The following RNGTT variants were observed in gnomAD, a reference collection of about 807,000 sequenced individuals.
RNGTT encodes the protein mRNA-capping enzyme.
A neutral mutation model predicts 79.3 loss-of-function variants in RNGTT; 33 were observed. The ratio of observed to expected loss-of-function variants is 0.42; its 90% CI spans 0.32 to 0.56. RNGTT has a LOEUF of 0.56. Ranked by LOEUF, RNGTT falls within the 20% of genes least tolerant of loss-of-function variation. RNGTT has a pLI of 0.17. For synonymous variants in RNGTT, 222 were observed against 235.9 expected (o/e 0.94, Z 0.54); for missense variants, 497 against 739.1 (o/e 0.67, Z 3.80).
chr6:88,853,548 A>G, intron 9 of RNGTT, 81 bp downstream of exon 9: 1 of 1,015,474 alleles, frequency 9.8e-7, no homozygotes, highest in South Asian at 1.6e-5. Context: ...AAATTTCTTA[A>G]CCAACAGAAA....
intron 14 of RNGTT, among the ~76,000 whole-genome samples, chr6:88,635,790 A>C (rs1414342631): frequency 6.6e-6 from 1 of 151,966 alleles, no homozygotes; most frequent in African/African-American, 2.4e-5. Flanking sequence ...CTGTGGTATA[A>C]GGAAGGCTGT....
intron 11 of RNGTT, among the ~76,000 whole-genome samples, chr6:88,813,155 T>C (rs780127692): frequency 3.2e-4 from 48 of 152,164 alleles, no homozygotes; most frequent in African/African-American, 9.9e-4. Flanking sequence ...CCTCCACTTA[T>C]GAGATTTAAA....
At chr6:88,761,609 T>C (rs1457225895) in intron 13 of RNGTT, among the ~76,000 whole-genome samples, 2 of 152,166 alleles carry the variant, frequency 1.3e-5, no homozygotes, top group African/African-American at 2.4e-5. Context: ...AAATCCACAG[T>C]TGGCAAACTA....
chr6:88,916,345 T>C (rs934430598), intron 4 of RNGTT, among the ~76,000 whole-genome samples: 1 of 152,094 alleles, frequency 6.6e-6, no homozygotes, highest in Non-Finnish European at 1.5e-5. Flanking sequence ...TGGTGGTGTG[T>C]GCCTGTAGTC....
chr6:88,838,073 G>GA (rs1206729795), intron 11 of RNGTT, among the ~76,000 whole-genome samples: 1 of 152,090 alleles, frequency 6.6e-6, no homozygotes. Flanking sequence ...CGATAAATAA[G>GA]ATTGTATGTC....
At chr6:88,898,297 G>A (rs2127938693) in intron 6 of RNGTT, among the ~76,000 whole-genome samples, 1 of 152,160 alleles carries the variant, frequency 6.6e-6, no homozygotes, top group East Asian at 1.9e-4. Flanking sequence ...AAATCATACT[G>A]TTAAATTGCT....
intron 11 of RNGTT, among the ~76,000 whole-genome samples, chr6:88,804,234 A>C (rs1317173213): frequency 1.3e-5 from 2 of 152,256 alleles, no homozygotes; most frequent in African/African-American, 2.4e-5. Context: ...AGATTACATC[A>C]GACTTTAACT....
chr6:88,772,744 GA>G (rs1299353097), intron 12 of RNGTT, among the ~76,000 whole-genome samples: 2 of 151,964 alleles, frequency 1.3e-5, no homozygotes, highest in South Asian at 2.1e-4. Flanking sequence ...GGCCATCAGA[GA>G]AATGCAAATC....
intron 13 of RNGTT, among the ~76,000 whole-genome samples, chr6:88,704,572 A>T (rs978365262): frequency 6.6e-6 from 1 of 152,152 alleles, no homozygotes; most frequent in Non-Finnish European, 1.5e-5. Flanking sequence ...TTAGCATCTT[A>T]ATTTTTTTCC....
chr6:88,691,480 C>T (rs769651542), intron 13 of RNGTT, among the ~76,000 whole-genome samples: 12 of 152,104 alleles, frequency 7.9e-5, no homozygotes, highest in African/African-American at 1.4e-4. Flanking sequence ...ATCAAAATCA[C>T]GCAACAGCAA....
intron 2 of RNGTT, among the ~76,000 whole-genome samples, chr6:88,939,495 T>A (rs62429038): frequency 0.013 from 1,999 of 152,298 alleles, 17 homozygotes; most frequent in Non-Finnish European, 0.019. Flanking sequence ...ATTCATACCC[T>A]GAATTGTTTT....
At chr6:88,730,037 T>G (rs1195480128) in intron 13 of RNGTT, among the ~76,000 whole-genome samples, 1 of 152,110 alleles carries the variant, frequency 6.6e-6, no homozygotes, top group Non-Finnish European at 1.5e-5. Flanking sequence ...TCCTTAACTG[T>G]CCTCCACCTT....
rs1374188753 is a variant in RNGTT, at chr6:88,949,161, A to G, written c.65-7981T>C. 2.5e-5 allele frequency among the ~76,000 whole-genome samples: 2 copies of G among 79,852 alleles called. 1 individual carries two copies. The highest frequency in any genetic ancestry group is 1.1e-3 in the South Asian group (2 of 1,768). 52.4% of individuals were successfully genotyped at this position (79,852 alleles called of 152,430 possible). A position where few individuals can be genotyped will look rare whatever the true frequency, so the allele number is the denominator to read the frequency against. ...TAAAAAATAAAATAAAATAAAATGA[A>G]AAAAAAAAAAAAAAAAAGAAAATGA... On this transcript the variant is annotated intron_variant, in intron 1 of 15. Coordinates refer to ENST00000369485, the MANE Select transcript of RNGTT (RefSeq NM_003800.5).
intron 13 of RNGTT, among the ~76,000 whole-genome samples, chr6:88,691,766 A>G (rs1775491419): frequency 6.6e-6 from 1 of 152,210 alleles, no homozygotes. Flanking sequence ...AAAAGGTTGT[A>G]ATACATAATA....
intron 13 of RNGTT, among the ~76,000 whole-genome samples, chr6:88,681,916 C>CA (rs1337478861): frequency 6.6e-6 from 1 of 152,116 alleles, no homozygotes; most frequent in African/African-American, 2.4e-5. Context: ...CATTGTTGGA[C>CA]AAAAACAATT....
intron 11 of RNGTT, among the ~76,000 whole-genome samples, chr6:88,827,237 G>A (rs918273164): frequency 3.3e-5 from 5 of 152,110 alleles, no homozygotes; most frequent in Admixed American, 3.3e-4. Context: ...AGCCCATAGA[G>A]GGTGAGCTGA....
intron 14 of RNGTT, among the ~76,000 whole-genome samples, chr6:88,623,759 C>T (rs141861477): frequency 6.6e-4 from 100 of 152,090 alleles, no homozygotes; most frequent in Non-Finnish European, 1.1e-3. Context: ...AAAAGACCTA[C>T]CGGTTGAAAA....
intron 13 of RNGTT, among the ~76,000 whole-genome samples, chr6:88,729,070 T>C (rs894581080): frequency 1.3e-5 from 2 of 152,194 alleles, no homozygotes; most frequent in African/African-American, 2.4e-5. Flanking sequence ...CATGCCAAGC[T>C]CGCTCTCTGC....
chr6:88,609,900 T>C lies in RNGTT; in HGVS notation c.*2819A>G, dbSNP rs778109545. Among the ~76,000 whole-genome samples the C allele has an allele frequency of 3.0e-4, 45 of 152,246 alleles. No individual in the cohort carries two copies. Among genetic ancestry groups the C allele is most frequent in the Non-Finnish European group, 5.3e-4 (36 of 68,048 alleles). On this transcript the variant is annotated 3_prime_UTR_variant, in exon 16 of 16. Coordinates refer to ENST00000369485, the MANE Select transcript of RNGTT (RefSeq NM_003800.5). ...AATTTGGTAGTTCACGACTTCATCA[T>C]TTCAGAATATTTATTGCTATTGCTG...
Sources: allele counts gnomAD v4.1 joint callset (sites outside exome capture counted in the v4.1 genomes callset), GRCh38; gene constraint gnomAD v4.1.1; transcripts MANE v1.5; gene names NCBI Gene and HGNC (gene_info 2026-07-23, HGNC 2026-07-21).